WDR49: variants seen among roughly 807,000 people sequenced by gnomAD.
The protein encoded by WDR49 is WD repeat domain 49, also known as cilia- and flagella-associated protein 337.
In WDR49, 107 loss-of-function variants were observed where a neutral mutation model predicts 119.5. The ratio of observed to expected loss-of-function variants is 0.90; its 90% CI spans 0.77 to 1.05. The LOEUF is 1.05. WDR49 is among the 50% of genes least tolerant of loss of function. The pLI, the probability that WDR49 is intolerant of heterozygous loss-of-function variation, is 0.00. For missense variants in WDR49, 1,240 were observed against 1,220.5 expected (o/e 1.02, Z -0.24); for synonymous variants, 425 against 418.8 (o/e 1.01, Z -0.18).
intron 10 of WDR49, among the ~76,000 whole-genome samples, chr3:167,551,619 T>C (rs7650519): frequency 0.32 from 48,166 of 151,870 alleles, 7,929 homozygotes; most frequent in African/African-American, 0.39. Context: ...GCTACCCAAC[T>C]TCTTCAAGCT....
chr3:167,572,811 G>T (rs530117128), intron 8 of WDR49, among the ~76,000 whole-genome samples: 4 of 152,302 alleles, frequency 2.6e-5, no homozygotes, highest in East Asian at 3.9e-4. Context: ...AGACTTCAGG[G>T]AGCTGAGGAC....
At chr3:167,552,178 G>A (rs772869483) in intron 10 of WDR49, among the ~76,000 whole-genome samples, 9 of 152,018 alleles carry the variant, frequency 5.9e-5, no homozygotes, top group Non-Finnish European at 7.4e-5. Flanking sequence ...ATATGTCCAG[G>A]TCAGAGGGAG....
intron 2 of WDR49, among the ~76,000 whole-genome samples, chr3:167,643,395 G>A (rs1717972057): frequency 6.6e-6 from 1 of 152,010 alleles, no homozygotes; most frequent in African/African-American, 2.4e-5. Context: ...CTAAGTAACT[G>A]GCATGAATTC....
intron 8 of WDR49, among the ~76,000 whole-genome samples, chr3:167,573,967 G>A (rs1401154618): frequency 6.6e-6 from 1 of 152,220 alleles, no homozygotes; most frequent in East Asian, 1.9e-4. Flanking sequence ...CCTCCTTTTA[G>A]AGATGTTAGC....
At chr3:167,622,048 T>C (rs1324951848) in intron 3 of WDR49, among the ~76,000 whole-genome samples, 1 of 152,164 alleles carries the variant, frequency 6.6e-6, no homozygotes. Flanking sequence ...ACAGACTCTA[T>C]AAGTAGCTTT....
At chr3:167,483,374 C>T (rs760559084) in intron 18 of WDR49, among the ~76,000 whole-genome samples, 8 of 152,196 alleles carry the variant, frequency 5.3e-5, no homozygotes, top group South Asian at 4.1e-4. Context: ...CTCAACTAGA[C>T]GACAAATTTT....
At chr3:167,570,480 T>G (rs1713870849) in intron 8 of WDR49, among the ~76,000 whole-genome samples, 1 of 152,222 alleles carries the variant, frequency 6.6e-6, no homozygotes, top group South Asian at 2.1e-4. Flanking sequence ...ACATGTTTAT[T>G]ATAAATTTTG....
intron 3 of WDR49, among the ~76,000 whole-genome samples, chr3:167,626,371 C>G (rs1717127183): frequency 6.6e-6 from 1 of 151,984 alleles, no homozygotes; most frequent in South Asian, 2.1e-4. Context: ...ATACTTCAAG[C>G]TCCAACCTTC....
rs372491391 is a variant in WDR49, at chr3:167,529,197, C to G, written c.2261G>C (p.Arg754Thr). ...TTGCTTCTTATATATATCCCAAAAT[C>G]TGACATAACCAGATCCTCCACATGA... ...LVSCGGSGYV[R>T]FWDIYKKQLL... is the part of the protein sequence containing the mutation. The change falls in exon 14 of 19, where the codon AGA becomes ACA. Residue 754 changes from arginine (R) to threonine (T), a missense_variant. Physicochemically the swap from Arg to Thr is moderately conservative, Grantham distance 71. Coordinates refer to ENST00000682715, the MANE Select transcript of WDR49 (RefSeq NM_001366157.1). The G allele has an allele frequency of 3.9e-5, 62 of 1,609,126 alleles. No individual in the cohort carries two copies. Among genetic ancestry groups the G allele is most frequent in the Non-Finnish European group, 5.0e-5 (59 of 1,178,438 alleles).
chr3:167,655,911 A>G (rs200777160), upstream of WDR49, among the ~76,000 whole-genome samples: 34 of 151,682 alleles, frequency 2.2e-4, no homozygotes, highest in African/African-American at 8.2e-4. Flanking sequence ...CTCTCTCTCT[A>G]TCTCTCTCTC....
At chr3:167,590,513 A>G (rs1715051737) in intron 7 of WDR49, among the ~76,000 whole-genome samples, 1 of 152,062 alleles carries the variant, frequency 6.6e-6, no homozygotes, top group African/African-American at 2.4e-5. Flanking sequence ...AAAATTCAGC[A>G]GCAAAGCCCT....
chr3:167,492,142 G>T (rs1577194173), intron 18 of WDR49, among the ~76,000 whole-genome samples: 2 of 145,846 alleles, frequency 1.4e-5, no homozygotes, highest in East Asian at 2.0e-4. Flanking sequence ...ATTGGTAATT[G>T]AAGTTTTTTT....
intron 9 of WDR49, among the ~76,000 whole-genome samples, chr3:167,555,051 AC>A (rs1712844104): frequency 6.6e-6 from 1 of 152,066 alleles, no homozygotes. Flanking sequence ...TAATGACATG[AC>A]TCCAGGCTGG....
chr3:167,556,253 C>T (rs975510126), intron 9 of WDR49, among the ~76,000 whole-genome samples: 1 of 152,146 alleles, frequency 6.6e-6, no homozygotes, highest in Non-Finnish European at 1.5e-5. Flanking sequence ...GAAGTTTTCA[C>T]TATGTCTAAA....
chr3:167,545,537 A>G (rs940324950), intron 10 of WDR49, among the ~76,000 whole-genome samples: 1 of 143,278 alleles, frequency 7.0e-6, no homozygotes, highest in South Asian at 2.2e-4. Context: ...ACCCTGGAAT[A>G]CCACTGAAAT....
chr3:167,625,684 A>T (rs1376037921), intron 3 of WDR49, among the ~76,000 whole-genome samples: 1 of 152,062 alleles, frequency 6.6e-6, no homozygotes, highest in Non-Finnish European at 1.5e-5. Flanking sequence ...AGGAAGAACC[A>T]GGTATTTAAT....
In WDR49 at chr3:167,620,613, G is replaced by A. The variant is rs879186350; in HGVS notation, c.784-10C>T. ...AAGCAATTGCTTGAACCTTGACAGA[G>A]ACATTGAAAGAACAACAATCGTGGA... is the stretch of plus-strand genomic sequence containing the variant. On this transcript the variant is annotated splice_polypyrimidine_tract_variant and intron_variant, in intron 4 of 18. Transcript: ENST00000682715. The A allele has an allele frequency of 5.3e-6, 8 of 1,521,838 alleles. No homozygotes were observed. The highest frequency in any genetic ancestry group is 7.0e-6 in the Non-Finnish European group (8 of 1,138,474). The allele number at this position is 1,521,838 out of a possible 1,614,324, so 94.3% of individuals were successfully genotyped here.
chr3:167,637,268 G>A (rs1249999367), intron 2 of WDR49, among the ~76,000 whole-genome samples: 1 of 151,722 alleles, frequency 6.6e-6, no homozygotes, highest in African/African-American at 2.4e-5. Context: ...CCCACTTTAT[G>A]TTTTTGTTTG....
At chr3:167,503,934 T>C (rs1390231864) in intron 17 of WDR49, among the ~76,000 whole-genome samples, 1 of 152,216 alleles carries the variant, frequency 6.6e-6, no homozygotes, top group Non-Finnish European at 1.5e-5. Context: ...GGCTATTTCT[T>C]TACCTCCTGT....
Sources: gnomAD v4.1 joint callset for allele counts (sites outside exome capture counted in the v4.1 genomes callset) on GRCh38, gnomAD v4.1.1 for gene constraint, MANE v1.5 for transcripts, NCBI Gene and HGNC (gene_info 2026-07-23, HGNC 2026-07-21) for gene names.